EIPR1: variants seen among roughly 807,000 people sequenced by gnomAD.
EIPR1 encodes the protein EARP complex and GARP complex interacting protein 1.
EIPR1 carries 25 observed loss-of-function variants against 48.1 expected under a neutral mutation model. The ratio of observed to expected loss-of-function variants is 0.52; its 90% CI spans 0.38 to 0.73. The LOEUF is 0.73. EIPR1 is among the 30% of genes least tolerant of loss of function. The probability of loss-of-function intolerance (pLI) is 0.00; values close to 1 mark genes in which losing one functional copy is unlikely to be tolerated. For missense variants in EIPR1, 415 were observed against 506.2 expected, an observed-to-expected ratio of 0.82 and a Z score of 1.73; for synonymous variants, 204 against 201.9, an observed-to-expected ratio of 1.01 and a Z score of -0.09.
At position 3,288,862 on chromosome 2, in the gene EIPR1, G is replaced by A. The variant is rs183506681; in HGVS notation, c.260-31407C>T. On this transcript the variant is annotated intron_variant, in intron 3 of 8. Coordinates refer to ENST00000382125, the MANE Select transcript of EIPR1 (RefSeq NM_003310.5). Reference sequence around the variant, plus strand: ...CTGGTGCACCAGCCATTCCTGCATGGGATGGGTAGGAGGGCCAGGTGATGG... The same window carrying A: ...CTGGTGCACCAGCCATTCCTGCATGAGATGGGTAGGAGGGCCAGGTGATGG... 3.9e-5 allele frequency among the ~76,000 whole-genome samples: 6 copies of A among 152,338 alleles called. No individual in the cohort carries two copies. The East Asian group carries it at 1.2e-3, about 29-fold the overall frequency.
At chr2:3,371,010 G>C (rs980614328) in intron 1 of EIPR1, among the ~76,000 whole-genome samples, 14 of 152,204 alleles carry the variant, frequency 9.2e-5, no homozygotes, top group Admixed American at 7.9e-4. Flanking sequence ...TACCCACAAA[G>C]GGAAGCCCAT....
At chr2:3,257,138 A>ATTAAAAT (rs1367899217) in intron 4 of EIPR1, among the ~76,000 whole-genome samples, 161 bp downstream of exon 4, 2 of 152,290 alleles carry the variant, frequency 1.3e-5, no homozygotes, top group East Asian at 3.9e-4. Flanking sequence ...AATCTAGAAA[A>ATTAAAAT]CACAGGGACT....
At position 3,201,140 on chromosome 2, in the gene EIPR1, G is replaced by A. The variant is rs186706558; in HGVS notation, c.517-4123C>T. Among the ~76,000 whole-genome samples, 450 of 152,272 alleles carry A rather than the reference G, an allele frequency of 3.0e-3. 3 individuals carry two copies. The highest frequency in any genetic ancestry group is 5.2e-3 in the Admixed American group (80 of 15,288). On this transcript the variant is annotated intron_variant, in intron 5 of 8. Coordinates refer to ENST00000382125, the MANE Select transcript of EIPR1 (RefSeq NM_003310.5). ...GGGCCCCTCTCTCCACACCTGCTCCGTTTCTCTTTCTCTCACTCCGGCCTG... is the reference window on the plus strand; with the variant it reads ...GGGCCCCTCTCTCCACACCTGCTCCATTTCTCTTTCTCTCACTCCGGCCTG...
intron 4 of EIPR1, among the ~76,000 whole-genome samples, chr2:3,240,060 T>TTCCTAAAGCAAAGCCAGCAGATCCC (rs1666548195): frequency 6.7e-6 from 1 of 148,982 alleles, no homozygotes; most frequent in Non-Finnish European, 1.5e-5. Context: ...CAGTAGACCC[T>TTCCTAAAGCAAAGCCAGCAGATCCC]TCCTAAAGCA....
At chr2:3,283,542 C>T (rs1177326835) in intron 3 of EIPR1, among the ~76,000 whole-genome samples, 1 of 150,958 alleles carries the variant, frequency 6.6e-6, no homozygotes, top group Non-Finnish European at 1.5e-5. Context: ...GTTCACACCC[C>T]GGCACACTGG....
rs189191299 is a variant in EIPR1, at chr2:3,345,813, G to A, written c.127-7664C>T. Among the ~76,000 whole-genome samples, 181 of 152,044 alleles carry A rather than the reference G, an allele frequency of 1.2e-3. 1 individual carries two copies. The highest frequency in any genetic ancestry group is 4.1e-3 in the African/African-American group (170 of 41,458). Reference sequence around the variant, plus strand: ...ACATGTAGGAAGGGAATGCGGCCCCGGGGCACCACGCTTATCTTTCCCTAG... The same window carrying A: ...ACATGTAGGAAGGGAATGCGGCCCCAGGGCACCACGCTTATCTTTCCCTAG... On this transcript the variant is annotated intron_variant, in intron 2 of 8. Transcript: ENST00000382125.
chr2:3,318,559 G>A (rs185639186), intron 3 of EIPR1, among the ~76,000 whole-genome samples: 4 of 152,060 alleles, frequency 2.6e-5, no homozygotes, highest in Non-Finnish European at 5.9e-5. Context: ...CACAGGAGTC[G>A]GCCTCGAAAA....
chr2:3,217,468 GT>G (rs1665677395), intron 4 of EIPR1, among the ~76,000 whole-genome samples: 1 of 152,110 alleles, frequency 6.6e-6, no homozygotes, highest in African/African-American at 2.4e-5. Flanking sequence ...ACTCAAGAAA[GT>G]AACCCCATAC....
At chr2:3,274,310 G>A (rs1202827336) in intron 3 of EIPR1, 1 of 1,550,274 alleles carries the variant, frequency 6.5e-7, no homozygotes, top group South Asian at 1.2e-5. Context: ...CACAAATGCA[G>A]AACACCAAAG....
At chr2:3,192,263 A>C in intron 8 of EIPR1, 151 bp downstream of exon 8, 1 of 948,452 alleles carries the variant, frequency 1.1e-6, no homozygotes, top group Non-Finnish European at 1.5e-6. Flanking sequence ...CACCCCTGGA[A>C]CTGTGAGTCC....
intron 3 of EIPR1, among the ~76,000 whole-genome samples, chr2:3,266,805 A>C (rs1667503618): frequency 6.6e-6 from 1 of 152,220 alleles, no homozygotes; most frequent in South Asian, 2.1e-4. Context: ...GCCAAGAGAG[A>C]AAAAGACAGG....
chr2:3,249,840 C>G (rs964442342), intron 4 of EIPR1, among the ~76,000 whole-genome samples: 1 of 152,162 alleles, frequency 6.6e-6, no homozygotes, highest in Non-Finnish European at 1.5e-5. Flanking sequence ...CTCAAAGGGG[C>G]CATAGGTACA....
chr2:3,300,209 T>C (rs571955125), intron 3 of EIPR1, among the ~76,000 whole-genome samples: 67 of 152,340 alleles, frequency 4.4e-4, no homozygotes, highest in African/African-American at 1.5e-3. Flanking sequence ...GAATGTCCTA[T>C]ATTATGGAAA....
intron 3 of EIPR1, among the ~76,000 whole-genome samples, chr2:3,285,406 G>A (rs965017929): frequency 1.1e-4 from 17 of 150,744 alleles, no homozygotes; most frequent in Admixed American, 2.0e-4. Flanking sequence ...TGCAGCGAGC[G>A]AGCACTGGCC....
intron 3 of EIPR1, among the ~76,000 whole-genome samples, chr2:3,269,262 A>G (rs553892924): frequency 1.5e-4 from 14 of 94,346 alleles, no homozygotes; most frequent in African/African-American, 4.5e-4. Flanking sequence ...CATCGCACTC[A>G]GTCATGGCAC....
At chr2:3,198,073 AGAGT>A (rs1479784118) in intron 5 of EIPR1, among the ~76,000 whole-genome samples, 1 of 152,244 alleles carries the variant, frequency 6.6e-6, no homozygotes, top group Admixed American at 6.5e-5. Context: ...AGGTCCCCAC[AGAGT>A]GAGTGCCCAC....
intron 5 of EIPR1, among the ~76,000 whole-genome samples, chr2:3,205,184 G>A (rs1440516348): frequency 2.0e-5 from 3 of 152,174 alleles, no homozygotes; most frequent in African/African-American, 7.2e-5. Flanking sequence ...CTTACAAAAC[G>A]GCCATGACCA....
At chr2:3,310,585 G>A (rs866132485) in intron 3 of EIPR1, among the ~76,000 whole-genome samples, 52 of 147,784 alleles carry the variant, frequency 3.5e-4, no homozygotes, top group African/African-American at 8.8e-4. Flanking sequence ...CCCGGGAGGC[G>A]GAGCTTGCAG....
At chr2:3,353,548 T>C (rs1402529645) in intron 2 of EIPR1, among the ~76,000 whole-genome samples, 1 of 152,364 alleles carries the variant, frequency 6.6e-6, no homozygotes, top group Middle Eastern at 3.4e-3. Context: ...GGCAATTTCA[T>C]ATTGTTCAAC....
Sources: gnomAD v4.1 joint callset for allele counts (sites outside exome capture counted in the v4.1 genomes callset) on GRCh38, gnomAD v4.1.1 for gene constraint, MANE v1.5 for transcripts, NCBI Gene and HGNC (gene_info 2026-07-23, HGNC 2026-07-21) for gene names.